The following TICRR variants were observed in gnomAD, a reference collection of about 807,000 sequenced individuals.
TICRR encodes the protein treslin.
In TICRR, 132 loss-of-function variants were observed where a neutral mutation model predicts 178.1. The ratio of observed to expected loss-of-function variants is 0.74; its 90% CI spans 0.64 to 0.86. TICRR has a LOEUF of 0.86. Ranked by LOEUF, TICRR falls within the 40% of genes least tolerant of loss-of-function variation. The probability of loss-of-function intolerance (pLI) is 0.00; values close to 1 mark genes in which losing one functional copy is unlikely to be tolerated. For synonymous variants in TICRR, 991 were observed against 900.7 expected, an observed-to-expected ratio of 1.10 and a Z score of -1.79; for missense variants, 2,587 against 2,334.3, an observed-to-expected ratio of 1.11 and a Z score of -2.23.
At chr15:89,603,469 C>T (rs1290308278) in intron 13 of TICRR, among the ~76,000 whole-genome samples, 1 of 152,136 alleles carries the variant, frequency 6.6e-6, no homozygotes, top group Non-Finnish European at 1.5e-5. Context: ...CCTGTAGGCC[C>T]AGCTATTCAG....
At chr15:89,594,235 T>A (rs904615763) in intron 5 of TICRR, among the ~76,000 whole-genome samples, 180 bp from the exon 6 acceptor site, 1 of 152,212 alleles carries the variant, frequency 6.6e-6, no homozygotes, top group African/African-American at 2.4e-5. Context: ...CCTGCATTCG[T>A]TCAAATCGAA....
intron 4 of TICRR, among the ~76,000 whole-genome samples, chr15:89,588,524 GATCA>G (rs1567041587): frequency 6.6e-6 from 1 of 152,170 alleles, no homozygotes; most frequent in Non-Finnish European, 1.5e-5. Context: ...CAGGCGATCA[GATCA>G]ATGGGTTATA....
At chr15:89,620,130 A>G (rs1963400857) in intron 18 of TICRR, among the ~76,000 whole-genome samples, 1 of 152,168 alleles carries the variant, frequency 6.6e-6, no homozygotes. Flanking sequence ...ACACATCATT[A>G]TCTTAGGTGG....
intron 15 of TICRR, among the ~76,000 whole-genome samples, chr15:89,614,811 G>C (rs546042570): frequency 2.0e-5 from 3 of 152,318 alleles, no homozygotes; most frequent in African/African-American, 7.2e-5. Flanking sequence ...ACTAATGATT[G>C]GACAGAGATT....
rs370507188 is a variant in TICRR at position 89,582,852 on chromosome 15, C to A, written c.821C>A (p.Pro274Gln). The change falls in exon 2 of 22, where the codon CCG becomes CAG. Residue 274 changes from proline to glutamine, a missense_variant. By Grantham distance (76) the Pro-to-Gln change is moderately conservative. Coordinates refer to ENST00000268138, the MANE Select transcript of TICRR (RefSeq NM_152259.4). ...IKLSSEPHLSPWISMLPTDAT... is the reference protein window; with the variant it reads ...IKLSSEPHLSQWISMLPTDAT... ...CTGTCAAGTGAACCTCATCTTTCTC[C>A]GTGGATTTCAATGCTGCCAACTGAT... The A allele has an allele frequency of 3.9e-5, 63 of 1,614,176 alleles. No individual in the cohort carries two copies. The South Asian group carries it at 6.6e-4, about 17-fold the overall frequency.
In TICRR at chr15:89,624,572, G is replaced by A; in HGVS notation, c.4262G>A (p.Arg1421Lys). The change falls in exon 20 of 22, where the codon AGA becomes AAA. Residue 1421 changes from arginine (R) to lysine (K), a missense_variant. By Grantham distance (26) the Arg-to-Lys change is conservative. Coordinates refer to ENST00000268138, the MANE Select transcript of TICRR (RefSeq NM_152259.4). ...AGCCCAGCTGCCCCCACAGACTCTA[G>A]AGATGACCAGAAGGGACTGAGCCTC... ...ADSPAAPTDS[R>K]DDQKGLSLSP... 6.2e-7 allele frequency: 1 copy of A among 1,613,914 alleles called. No homozygotes were observed. Among genetic ancestry groups the A allele is most frequent in the Non-Finnish European group, 8.5e-7 (1 of 1,179,982 alleles).
In TICRR at chr15:89,602,892, A is replaced by AG; in HGVS notation, c.2664+1dup. 1 of 1,506,648 alleles carries AG rather than the reference A, an allele frequency of 6.6e-7. No homozygotes were observed. Among genetic ancestry groups the AG allele is most frequent in the Non-Finnish European group, 8.9e-7 (1 of 1,125,566 alleles). The allele number at this position is 1,506,648 out of a possible 1,614,324, so 93.3% of individuals were successfully genotyped here. ...AAGTGTCAAAGAGAGCTACGAAAAAAGTAAGTAAACCTTCCAGCTTGAGAT... is the reference window on the plus strand; with the variant it reads ...AAGTGTCAAAGAGAGCTACGAAAAAAGGTAAGTAAACCTTCCAGCTTGAGAT... On this transcript the variant is annotated frameshift_variant and splice_region_variant. Transcript: ENST00000268138. LOFTEE classifies it high-confidence loss of function.
chr15:89,613,589 C>A (rs778747385), intron 15 of TICRR, among the ~76,000 whole-genome samples: 22 of 152,140 alleles, frequency 1.4e-4, no homozygotes, highest in Non-Finnish European at 2.9e-4. Context: ...AAGCTCTGTT[C>A]ATTTTTCTTC....
intron 14 of TICRR, among the ~76,000 whole-genome samples, chr15:89,608,162 T>A (rs1963202168): frequency 6.6e-6 from 1 of 152,134 alleles, no homozygotes; most frequent in Admixed American, 6.5e-5. Context: ...CAATAAGTGG[T>A]GGGGGCCTTC....
chr15:89,609,495 G>C (rs1963225517), intron 15 of TICRR, among the ~76,000 whole-genome samples: 2 of 151,512 alleles, frequency 1.3e-5, no homozygotes, highest in African/African-American at 2.4e-5. Context: ...TTTTGAGTCA[G>C]AGTCTCACTC....
chr15:89,589,343 C>G (rs1962872673), intron 4 of TICRR, among the ~76,000 whole-genome samples: 1 of 152,146 alleles, frequency 6.6e-6, no homozygotes, highest in Non-Finnish European at 1.5e-5. Flanking sequence ...GTTTGGCCCA[C>G]CCCCACTCCT....
In TICRR at chr15:89,592,331, TGA is replaced by T. The variant is rs545764586; in HGVS notation, c.1541+159_1541+160del. On this transcript the variant is annotated intron_variant, in intron 5 of 21. Coordinates refer to ENST00000268138, the MANE Select transcript of TICRR (RefSeq NM_152259.4). The stretch of plus-strand genomic sequence containing the variant: ...ATACTCTCATACTTAATATATATTG[TGA>T]GAGTATGTTAGCTAGATAATATGTT... Among the ~76,000 whole-genome samples the T allele has an allele frequency of 1.8e-4, 28 of 152,290 alleles. 1 individual carries two copies. In the South Asian group the frequency reaches 5.8e-3, roughly 32 times the overall value.
At chr15:89,576,844 TATATATATATATATATAC>T (rs1444770331) in intron 1 of TICRR, among the ~76,000 whole-genome samples, 1 of 139,646 alleles carries the variant, frequency 7.2e-6, no homozygotes, top group African/African-American at 2.7e-5. Flanking sequence ...TATATATATA[TATATATATATATATATAC>T]ACACACACAC....
At chr15:89,590,872 A>G (rs892722210) in intron 4 of TICRR, among the ~76,000 whole-genome samples, 1 of 152,130 alleles carries the variant, frequency 6.6e-6, no homozygotes, top group Non-Finnish European at 1.5e-5. Context: ...TTTCCCCAAG[A>G]CTTCATTAAT....
intron 17 of TICRR, among the ~76,000 whole-genome samples, chr15:89,618,486 G>GTATA (rs1328988125): frequency 1.3e-5 from 2 of 152,188 alleles, no homozygotes; most frequent in Non-Finnish European, 2.9e-5. Context: ...TATTTTAAAA[G>GTATA]TATATATAAC....
At position 89,624,791 on chromosome 15, in the gene TICRR, C is replaced by G; in HGVS notation, c.4481C>G (p.Ala1494Gly). Reference protein sequence around the residue: ...SVEEGEGLRTADAEKSSLSHP... With the variant: ...SVEEGEGLRTGDAEKSSLSHP... ...GAAGAGGGTGAGGGGCTAAGGACAGCAGATGCTGAGAAGTCTTCTCTGTCT... is the reference window on the plus strand; with the variant it reads ...GAAGAGGGTGAGGGGCTAAGGACAGGAGATGCTGAGAAGTCTTCTCTGTCT... The change falls in exon 20 of 22, where the codon GCA becomes GGA. Residue 1494 changes from alanine to glycine, a missense_variant. Coordinates refer to ENST00000268138, the MANE Select transcript of TICRR (RefSeq NM_152259.4). 1 of 1,614,198 alleles carries G rather than the reference C, an allele frequency of 6.2e-7. No individual in the cohort carries two copies. The highest frequency in any genetic ancestry group is 8.5e-7 in the Non-Finnish European group (1 of 1,180,040).
chr15:89,594,243 G>A (rs1049823893), intron 5 of TICRR, among the ~76,000 whole-genome samples, 172 bp from the exon 6 acceptor site: 2 of 152,110 alleles, frequency 1.3e-5, no homozygotes, highest in East Asian at 3.8e-4. Context: ...CGTTCAAATC[G>A]AAAATGAGAG....
intron 14 of TICRR, among the ~76,000 whole-genome samples, chr15:89,608,094 T>C (rs971992857): frequency 3.3e-5 from 5 of 152,176 alleles, no homozygotes; most frequent in African/African-American, 1.2e-4. Context: ...CGATGACCTA[T>C]GTTAGCCATC....
chr15:89,608,895 G>A lies in TICRR; in HGVS notation c.2815G>A (p.Val939Met). The change falls in exon 15 of 22, where the codon GTG (valine) becomes ATG (methionine). Residue 939 changes from valine to methionine, a missense_variant. Physicochemically the swap from Val to Met is conservative, Grantham distance 21. Coordinates refer to ENST00000268138, the MANE Select transcript of TICRR (RefSeq NM_152259.4). ...LKRGLPRSHS[V>M]SAVDGLEDKL... Reference sequence around the variant, plus strand: ...GCGGGGGTTGCCTAGAAGCCATTCTGTGTCAGCTGTGGATGGTCTAGAGGA... The same window carrying A: ...GCGGGGGTTGCCTAGAAGCCATTCTATGTCAGCTGTGGATGGTCTAGAGGA... 6.2e-7 allele frequency: 1 copy of A among 1,611,406 alleles called. No individual in the cohort carries two copies.
Sources: gnomAD v4.1 joint callset for allele counts (sites outside exome capture counted in the v4.1 genomes callset) on GRCh38, gnomAD v4.1.1 for gene constraint, MANE v1.5 for transcripts, NCBI Gene and HGNC (gene_info 2026-07-23, HGNC 2026-07-21) for gene names.